Variants in GAD2 observed in about 807,000 individuals in gnomAD.
GAD2 encodes glutamate decarboxylase 2.
GAD2 carries 22 observed loss-of-function variants against 80.1 expected under a neutral mutation model. That is an observed-to-expected ratio of 0.27 (90% CI 0.20 to 0.39). The LOEUF (loss-of-function observed/expected upper bound fraction) is 0.39. Ranked by LOEUF, GAD2 falls within the 10% of genes least tolerant of loss-of-function variation. The pLI is 1.00. For synonymous variants in GAD2, 274 were observed against 256.9 expected (o/e 1.07, Z -0.64); for missense variants, 624 against 738.4 (o/e 0.85, Z 1.80).
intron 12 of GAD2, among the ~76,000 whole-genome samples, chr10:26,283,598 C>T (rs1845297340): frequency 6.6e-6 from 1 of 152,232 alleles, no homozygotes; most frequent in East Asian, 1.9e-4. Flanking sequence ...CTCCCACCCT[C>T]CTCTAGTTAA....
intron 8 of GAD2, among the ~76,000 whole-genome samples, chr10:26,255,523 G>A (rs1844931764): frequency 6.6e-6 from 1 of 151,670 alleles, no homozygotes. Flanking sequence ...TGGCTTTGTT[G>A]TTTAAAGGAG....
Position 26,216,910 on chromosome 10 carries a change from G to A in GAD2, c.76+25G>A, listed in dbSNP as rs1278648628. 2 of 1,596,366 alleles carry A rather than the reference G, an allele frequency of 1.3e-6. No individual in the cohort carries two copies. On this transcript the variant is annotated intron_variant, in intron 1 of 15. Coordinates refer to ENST00000376261, the MANE Select transcript of GAD2 (RefSeq NM_001134366.2). The surrounding 1 kb of genome is among the most constrained non-coding windows in gnomAD (Gnocchi z 4.7). The stretch of plus-strand genomic sequence containing the variant: ...GGTAGGAAGGAGAACGGGGGCCTGC[G>A]GCGGGCGAGTTTTGCGGTGGTCTGG...
In GAD2 at chr10:26,217,560, CTGT is replaced by C. The variant is rs762248198; in HGVS notation, c.77-45_77-43del. Reference sequence around the variant, plus strand: ...ATAGAACGAAATTTCACACGTCCGTCTGTTGTTCTCTTTCTGCCTCGCTGTCTG... The same window carrying C: ...ATAGAACGAAATTTCACACGTCCGTCTGTTCTCTTTCTGCCTCGCTGTCTG... On this transcript the variant is annotated intron_variant, in intron 1 of 15. Coordinates refer to ENST00000376261, the MANE Select transcript of GAD2 (RefSeq NM_001134366.2). This position sits in a 1 kb window ranked among gnomAD's most constrained non-coding sequence, Gnocchi z 4.9. 1.2e-4 allele frequency: 185 copies of C among 1,559,198 alleles called. 2 individuals are homozygous for C. The South Asian group carries it at 2.0e-3, about 16-fold the overall frequency.
chr10:26,254,794 T>C (rs1473963862), intron 8 of GAD2, among the ~76,000 whole-genome samples: 4 of 152,238 alleles, frequency 2.6e-5, no homozygotes, highest in African/African-American at 9.6e-5. Flanking sequence ...AGATGATGAA[T>C]AGCGGGCCGA....
At chr10:26,255,226 A>C (rs1844928888) in intron 8 of GAD2, among the ~76,000 whole-genome samples, 1 of 152,218 alleles carries the variant, frequency 6.6e-6, no homozygotes, top group Admixed American at 6.5e-5. Flanking sequence ...GGGCCATGAG[A>C]GTGTTTCCAG....
intron 7 of GAD2, among the ~76,000 whole-genome samples, chr10:26,242,736 G>T (rs529622804): frequency 2.0e-5 from 3 of 152,214 alleles, no homozygotes; most frequent in East Asian, 1.9e-4. Context: ...TGCAGCATTT[G>T]GTACCGTGAT....
rs973191882 is a variant in GAD2, at chr10:26,217,164, G to C, written c.76+279G>C. Among the ~76,000 whole-genome samples the C allele has an allele frequency of 1.3e-5, 2 of 151,926 alleles. No individual in the cohort carries two copies. Among genetic ancestry groups the C allele is most frequent in the Admixed American group, 1.3e-4 (2 of 15,242 alleles). ...TGTCTCGGGGACATGGAATTCCGTG[G>C]TCCTGGGGCGCTGCTAAGATCCGGG... is the stretch of plus-strand genomic sequence containing the variant. On this transcript the variant is annotated intron_variant, in intron 1 of 15. Coordinates refer to ENST00000376261, the MANE Select transcript of GAD2 (RefSeq NM_001134366.2). This position sits in a 1 kb window ranked among gnomAD's most constrained non-coding sequence, Gnocchi z 4.9.
intron 7 of GAD2, among the ~76,000 whole-genome samples, chr10:26,235,664 C>A (rs1204144507): frequency 6.6e-6 from 1 of 152,188 alleles, no homozygotes; most frequent in African/African-American, 2.4e-5. Context: ...TCAACACATC[C>A]TTTGCTGGAA....
chr10:26,286,346 G>A lies in GAD2; in HGVS notation c.1238G>A (p.Gly413Glu). Reference sequence around the variant, plus strand: ...TAAATTTTCTCTTCTCTCTTGTAGGGATTGATGCAGAATTGCAACCAAATG... The same window carrying A: ...TAAATTTTCTCTTCTCTCTTGTAGGAATTGATGCAGAATTGCAACCAAATG... ...QCSALLVREEGLMQNCNQMHA... is the reference protein window; with the variant it reads ...QCSALLVREEELMQNCNQMHA... The change falls in exon 13 of 16, where the codon GGA becomes GAA. Residue 413 changes from glycine (G) to glutamate (E), a missense_variant and splice_region_variant. Transcript: ENST00000376261. 1 of 1,612,564 alleles carries A rather than the reference G, an allele frequency of 6.2e-7. No individual in the cohort carries two copies. The highest frequency in any genetic ancestry group is 8.5e-7 in the Non-Finnish European group (1 of 1,179,556).
At chr10:26,261,809 T>G (rs191062071) in intron 8 of GAD2, among the ~76,000 whole-genome samples, 1 of 152,278 alleles carries the variant, frequency 6.6e-6, no homozygotes, top group East Asian at 1.9e-4. Flanking sequence ...TTCCTTCTCT[T>G]CTGGAATGGA....
chr10:26,228,618 G>A (rs1245798800), intron 6 of GAD2, among the ~76,000 whole-genome samples: 1 of 152,154 alleles, frequency 6.6e-6, no homozygotes, highest in African/African-American at 2.4e-5. Flanking sequence ...GGGCAAGCGA[G>A]CATTACCGCC....
rs8190709 is a variant in GAD2 at position 26,269,442 on chromosome 10, C to G, written c.975+269C>G. Among the ~76,000 whole-genome samples the G allele has an allele frequency of 5.9e-3, 903 of 152,322 alleles. 4 individuals are homozygous for G. Among genetic ancestry groups the G allele is most frequent in the Non-Finnish European group, 1.0e-2 (677 of 68,038 alleles). On this transcript the variant is annotated intron_variant, in intron 9 of 15. Coordinates refer to ENST00000376261, the MANE Select transcript of GAD2 (RefSeq NM_001134366.2). ...TGTCTTCCTAGGTACTGAGGGTTGGCATGAAACACCCACACATTTGAAAGA... is the reference window on the plus strand; with the variant it reads ...TGTCTTCCTAGGTACTGAGGGTTGGGATGAAACACCCACACATTTGAAAGA...
intron 7 of GAD2, among the ~76,000 whole-genome samples, chr10:26,241,037 G>A (rs554087779): frequency 2.6e-5 from 4 of 151,110 alleles, no homozygotes; most frequent in Admixed American, 6.6e-5. Flanking sequence ...GTGAGACTCC[G>A]TCTCAAAAAA....
At chr10:26,290,884 A>G (rs1251603259) in intron 13 of GAD2, among the ~76,000 whole-genome samples, 1 of 152,266 alleles carries the variant, frequency 6.6e-6, no homozygotes, top group Non-Finnish European at 1.5e-5. Flanking sequence ...GGAGGCACCC[A>G]GGGCACACTA....
chr10:26,265,726 A>G (rs1027180792), intron 8 of GAD2, among the ~76,000 whole-genome samples: 1 of 152,250 alleles, frequency 6.6e-6, no homozygotes, highest in African/African-American at 2.4e-5. Context: ...CGTTATAGAC[A>G]TACTTTTAGA....
At chr10:26,270,524 G>A in intron 9 of GAD2, 116 bp from the exon 10 acceptor site, 1 of 777,446 alleles carries the variant, frequency 1.3e-6, no homozygotes, top group Non-Finnish European at 2.3e-6. Context: ...CTCTGCTGCT[G>A]CTTCCTCAAA....
Position 26,224,641 on chromosome 10 carries a change from A to G in GAD2, c.714A>G (p.Ile238Met). Residue 238 changes from isoleucine (I) to methionine (M), a missense_variant, in exon 6 of 16, where the codon ATA becomes ATG. Physicochemically the swap from Ile to Met is conservative, Grantham distance 10. Transcript: ENST00000376261. ...IGWPGGSGDG[I>M]FSPGGAISNM... ...GGCCAGGGGGCTCTGGCGATGGGAT[A>G]TTTTCTCCCGGTACATGATATTTCA... 6.2e-7 allele frequency: 1 copy of G among 1,606,920 alleles called. No homozygotes were observed. Among genetic ancestry groups the G allele is most frequent in the Non-Finnish European group, 8.5e-7 (1 of 1,173,618 alleles).
intron 6 of GAD2, 22 bp from the exon 7 acceptor site, chr10:26,229,640 T>C (rs145157245): frequency 1.3e-6 from 2 of 1,509,912 alleles, no homozygotes; most frequent in Non-Finnish European, 9.2e-7. Flanking sequence ...ATAAAGTAAC[T>C]GCGTGTTGCT....
chr10:26,286,457 T>C lies in GAD2; in HGVS notation c.1349T>C (p.Val450Ala), dbSNP rs1845333968. The change falls in exon 13 of 16, where the codon GTT (valine) becomes GCT (alanine). Residue 450 changes from valine to alanine, a missense_variant. Coordinates refer to ENST00000376261, the MANE Select transcript of GAD2 (RefSeq NM_001134366.2). Reference sequence around the variant, plus strand: ...AAGGCCTTACAGTGCGGACGCCACGTTGATGTTTTTAAACTATGGCTGATG... The same window carrying C: ...AAGGCCTTACAGTGCGGACGCCACGCTGATGTTTTTAAACTATGGCTGATG... Reference protein sequence around the residue: ...GDKALQCGRHVDVFKLWLMWR... With the variant: ...GDKALQCGRHADVFKLWLMWR... 1 of 1,613,740 alleles carries C rather than the reference T, an allele frequency of 6.2e-7. No individual in the cohort carries two copies. The highest frequency in any genetic ancestry group is 1.7e-5 in the Admixed American group (1 of 59,928).
Sources: gnomAD v4.1 joint callset for allele counts (sites outside exome capture counted in the v4.1 genomes callset) on GRCh38, gnomAD v4.1.1 for gene constraint, Gnocchi (gnomAD v3.1) non-coding constraint, MANE v1.5 for transcripts, NCBI Gene and HGNC (gene_info 2026-07-23, HGNC 2026-07-21) for gene names.